OAF: variants seen among roughly 807,000 people sequenced by gnomAD.
OAF encodes out at first protein homolog.
A neutral mutation model predicts 22.5 loss-of-function variants in OAF; 13 were observed. The observed-to-expected ratio is 0.58, with a 90% CI of 0.38 to 0.92. The LOEUF (loss-of-function observed/expected upper bound fraction) is 0.92, where lower values mean the gene tolerates loss of function less well. OAF is among the 40% of genes least tolerant of loss of function. The pLI is 0.00. For synonymous variants in OAF, 175 were observed against 170.5 expected (o/e 1.03, Z -0.21); for missense variants, 347 against 381.8 (o/e 0.91, Z 0.76).
rs1938137500 is a variant in OAF at position 120,211,203 on chromosome 11, T to C, written c.-77T>C. The C allele has an allele frequency of 2.9e-6, 3 of 1,029,302 alleles. No individual in the cohort carries two copies. The highest frequency in any genetic ancestry group is 2.4e-6 in the Non-Finnish European group (2 of 826,826). The allele number at this position is 1,029,302 out of a possible 1,614,324, so 63.8% of individuals were successfully genotyped here. ...CGGGCGCCCCGAACTAGCCCCCAAC[T>C]TTGGGCGAAGTTTGCCTGCGCCTCT... On this transcript the variant is annotated 5_prime_UTR_variant, in exon 1 of 4. Coordinates refer to ENST00000328965, the MANE Select transcript of OAF (RefSeq NM_178507.4).
In OAF at chr11:120,211,209, C is replaced by G. The variant is rs920121960; in HGVS notation, c.-71C>G. 2.8e-6 allele frequency: 3 copies of G among 1,073,160 alleles called. No homozygotes were observed. Among genetic ancestry groups the G allele is most frequent in the Non-Finnish European group, 2.3e-6 (2 of 865,392 alleles). 66.5% of individuals were successfully genotyped at this position (1,073,160 alleles called of 1,614,324 possible). A position where few individuals can be genotyped will look rare whatever the true frequency, so the allele number is the denominator to read the frequency against. On this transcript the variant is annotated 5_prime_UTR_variant, in exon 1 of 4. Transcript: ENST00000328965. Reference sequence around the variant, plus strand: ...CCCCGAACTAGCCCCCAACTTTGGGCGAAGTTTGCCTGCGCCTCTCCCCGC... The same window carrying G: ...CCCCGAACTAGCCCCCAACTTTGGGGGAAGTTTGCCTGCGCCTCTCCCCGC...
chr11:120,215,114 G>A (rs1366731569), intron 1 of OAF, among the ~76,000 whole-genome samples: 1 of 152,196 alleles, frequency 6.6e-6, no homozygotes, highest in Non-Finnish European at 1.5e-5. Flanking sequence ...GGGAGGCTGA[G>A]GCAGGCGGAT....
intron 1 of OAF, among the ~76,000 whole-genome samples, chr11:120,222,319 A>C (rs1278803754): frequency 6.6e-6 from 1 of 152,172 alleles, no homozygotes; most frequent in Non-Finnish European, 1.5e-5. Context: ...GCACTTTGGG[A>C]GGCCAAGGCA....
At chr11:120,221,727 CG>C (rs899008276) in intron 1 of OAF, among the ~76,000 whole-genome samples, 2 of 152,186 alleles carry the variant, frequency 1.3e-5, no homozygotes, top group Non-Finnish European at 2.9e-5. Flanking sequence ...AAACTACAGA[CG>C]AGGACCCTAG....
intron 1 of OAF, among the ~76,000 whole-genome samples, chr11:120,222,505 G>A (rs1017903230): frequency 1.3e-5 from 2 of 151,498 alleles, no homozygotes; most frequent in Non-Finnish European, 2.9e-5. Flanking sequence ...GCAGTGAGCC[G>A]AGATTGCACC....
rs1262856553 is a variant in OAF, at chr11:120,229,653, C to T, written c.*511C>T. ...GAGCTGTTGGGGACCCACGACGCAG[C>T]CCCTGTACTGGATTACAGCATATTC... On this transcript the variant is annotated 3_prime_UTR_variant, in exon 4 of 4. Transcript: ENST00000328965. 6.2e-6 allele frequency: 1 copy of T among 161,708 alleles called. No homozygotes were observed. The highest frequency in any genetic ancestry group is 2.4e-5 in the African/African-American group (1 of 41,842). 10.0% of individuals were successfully genotyped at this position (161,708 alleles called of 1,614,324 possible). A position where few individuals can be genotyped will look rare whatever the true frequency, so the allele number is the denominator to read the frequency against.
chr11:120,216,729 G>A (rs1261399370), intron 1 of OAF, among the ~76,000 whole-genome samples: 1 of 152,218 alleles, frequency 6.6e-6, no homozygotes, highest in African/African-American at 2.4e-5. Flanking sequence ...TGGGATAATG[G>A]AGGATCCTGC....
intron 1 of OAF, among the ~76,000 whole-genome samples, chr11:120,218,531 A>G (rs1471736134): frequency 6.6e-6 from 1 of 152,202 alleles, no homozygotes; most frequent in Non-Finnish European, 1.5e-5. Context: ...GCAGAGGAAT[A>G]AATATTTAGA....
intron 3 of OAF, among the ~76,000 whole-genome samples, chr11:120,227,967 C>T (rs1412996582): frequency 6.6e-6 from 1 of 152,180 alleles, no homozygotes; most frequent in East Asian, 1.9e-4. Flanking sequence ...CCTTCCGTCT[C>T]CTCCAGCGCC....
chr11:120,229,164 G>T lies in OAF; in HGVS notation c.*22G>T. The stretch of plus-strand genomic sequence containing the variant: ...CTAGGGTGGGAGCAACCTGGCGGGT[G>T]GCTGCTCTGGGCCCACTGCTCTTCA... On this transcript the variant is annotated 3_prime_UTR_variant, in exon 4 of 4. Transcript: ENST00000328965. 1 of 1,598,974 alleles carries T rather than the reference G, an allele frequency of 6.3e-7. No individual in the cohort carries two copies. The highest frequency in any genetic ancestry group is 1.1e-5 in the South Asian group (1 of 90,196).
intron 1 of OAF, among the ~76,000 whole-genome samples, chr11:120,219,338 C>G (rs1203556817): frequency 6.6e-6 from 1 of 152,174 alleles, no homozygotes; most frequent in Non-Finnish European, 1.5e-5. Flanking sequence ...CCGTGTGAGC[C>G]TGTGCATCAG....
At chr11:120,228,823 C>CCAACCCAACCA in intron 3 of OAF, 45 bp from the exon 4 acceptor site, 1 of 521,816 alleles carries the variant, frequency 1.9e-6, no homozygotes, top group Non-Finnish European at 3.6e-6. Flanking sequence ...GAGCTCCTTC[C>CCAACCCAACCA]CTCCCTCCCT....
rs548792274 is a variant in OAF, at chr11:120,223,404, C to T, written c.232-2257C>T. Among the ~76,000 whole-genome samples, 6 of 152,310 alleles carry T rather than the reference C, an allele frequency of 3.9e-5. 1 individual carries two copies. The South Asian group carries it at 1.2e-3, about 32-fold the overall frequency. ...CTGTTGTAAGGATTTTAAAAAGGAT[C>T]ATACATCCTTTTGACCCATGGAAAC... On this transcript the variant is annotated intron_variant, in intron 1 of 3. Coordinates refer to ENST00000328965, the MANE Select transcript of OAF (RefSeq NM_178507.4).
intron 1 of OAF, among the ~76,000 whole-genome samples, chr11:120,225,032 A>G (rs1777465962): frequency 6.6e-6 from 1 of 152,096 alleles, no homozygotes; most frequent in African/African-American, 2.4e-5. Context: ...CCCATGGGGG[A>G]AAGGGGAAGT....
In OAF at chr11:120,211,223, G is replaced by C. The variant is rs1430925112; in HGVS notation, c.-57G>C. 5.7e-5 allele frequency: 64 copies of C among 1,131,536 alleles called. No individual in the cohort carries two copies. The highest frequency in any genetic ancestry group is 7.0e-5 in the Non-Finnish European group (64 of 916,572). The allele number at this position is 1,131,536 out of a possible 1,614,324, so 70.1% of individuals were successfully genotyped here. A position where few individuals can be genotyped will look rare whatever the true frequency, so the allele number is the denominator to read the frequency against. On this transcript the variant is annotated 5_prime_UTR_variant, in exon 1 of 4. Transcript: ENST00000328965. ...CCAACTTTGGGCGAAGTTTGCCTGC[G>C]CCTCTCCCCGCCCCCACGCGGCGCG...
At chr11:120,216,645 A>G (rs1343154217) in intron 1 of OAF, among the ~76,000 whole-genome samples, 1 of 152,182 alleles carries the variant, frequency 6.6e-6, no homozygotes, top group Non-Finnish European at 1.5e-5. Context: ...CTTGGCCAGC[A>G]TCTCCCACCC....
At chr11:120,226,789 T>C (rs873059) in intron 2 of OAF, 27 bp from the exon 3 acceptor site, 1,008,952 of 1,559,780 alleles carry the variant, frequency 0.65, 350,579 homozygotes, top group Non-Finnish European at 0.73. Context: ...TGAAGCCAGG[T>C]AGGAGTGACT....
intron 1 of OAF, among the ~76,000 whole-genome samples, chr11:120,221,830 C>T (rs1938283116): frequency 6.6e-6 from 1 of 152,222 alleles, no homozygotes; most frequent in Non-Finnish European, 1.5e-5. Flanking sequence ...TCCAGGTAGG[C>T]TGGAGATTCC....
chr11:120,215,357 G>A (rs1591357822), intron 1 of OAF, among the ~76,000 whole-genome samples: 1 of 152,122 alleles, frequency 6.6e-6, no homozygotes, highest in African/African-American at 2.4e-5. Flanking sequence ...GGTGATTCCA[G>A]TGTGCAGCAA....
Sources: gnomAD v4.1 joint callset for allele counts (sites outside exome capture counted in the v4.1 genomes callset) on GRCh38, gnomAD v4.1.1 for gene constraint, MANE v1.5 for transcripts, NCBI Gene and HGNC (gene_info 2026-07-23, HGNC 2026-07-21) for gene names.